Variants in RERE observed in about 807,000 individuals in gnomAD.
RERE encodes the protein arginine-glutamic acid dipeptide repeats, also known as arginine-glutamic acid dipeptide repeats protein.
RERE carries 40 observed loss-of-function variants against 146.1 expected under a neutral mutation model. The observed-to-expected ratio is 0.27, with a 90% CI of 0.21 to 0.36. The LOEUF (loss-of-function observed/expected upper bound fraction) is 0.36. Ranked by LOEUF, RERE falls within the 10% of genes least tolerant of loss-of-function variation. RERE has a pLI of 1.00. For missense variants in RERE, 1,933 were observed against 2,138.7 expected, an observed-to-expected ratio of 0.90 and a Z score of 1.90; for synonymous variants, 1,003 against 866.0, an observed-to-expected ratio of 1.16 and a Z score of -2.78.
At chr1:8,700,051 A>G (rs1381890474) in intron 1 of RERE, among the ~76,000 whole-genome samples, 1 of 152,224 alleles carries the variant, frequency 6.6e-6, no homozygotes, top group Non-Finnish European at 1.5e-5. Context: ...TCATGCCTGT[A>G]ATACCAGCAC....
At chr1:8,685,643 C>A (rs1449485752) in intron 1 of RERE, among the ~76,000 whole-genome samples, 1 of 152,106 alleles carries the variant, frequency 6.6e-6, no homozygotes, top group African/African-American at 2.4e-5. Context: ...TGTTTAGAAT[C>A]GTTTTCAATG....
chr1:8,684,631 T>C (rs1443666647), intron 1 of RERE, among the ~76,000 whole-genome samples: 1 of 152,230 alleles, frequency 6.6e-6, no homozygotes, highest in Non-Finnish European at 1.5e-5. Context: ...ATAGTAAGTA[T>C]AGCTCCTACA....
chr1:8,637,201 G>C (rs1045777908), intron 2 of RERE, among the ~76,000 whole-genome samples: 1 of 152,096 alleles, frequency 6.6e-6, no homozygotes, highest in African/African-American at 2.4e-5. Flanking sequence ...ACCCCTAGCA[G>C]CAGACAAAGT....
chr1:8,578,438 T>C lies in RERE; in HGVS notation c.523-20915A>G, dbSNP rs566364228. On this transcript the variant is annotated intron_variant, in intron 4 of 22. Coordinates refer to ENST00000400908, the MANE Select transcript of RERE (RefSeq NM_001042681.2). ...GGGTATTACAAACGCATTGAACTAA[T>C]CTTTGAATATATGCTGATAATTAAA... Among the ~76,000 whole-genome samples the C allele has an allele frequency of 1.6e-4, 24 of 152,310 alleles. No homozygotes were observed. The South Asian group carries it at 5.0e-3, about 32-fold the overall frequency.
chr1:8,578,874 T>C (rs914128017), intron 4 of RERE, among the ~76,000 whole-genome samples: 13 of 152,106 alleles, frequency 8.5e-5, no homozygotes, highest in African/African-American at 2.9e-4. Flanking sequence ...ATATGAAAAA[T>C]AAATACATGT....
intron 4 of RERE, among the ~76,000 whole-genome samples, chr1:8,604,523 G>C (rs1646673696): frequency 6.8e-6 from 1 of 147,594 alleles, no homozygotes; most frequent in South Asian, 2.2e-4. Flanking sequence ...GTTTTGTTTT[G>C]TTGTGGGGGA....
intron 1 of RERE, among the ~76,000 whole-genome samples, chr1:8,694,800 T>C (rs934780028): frequency 2.0e-5 from 3 of 152,072 alleles, no homozygotes; most frequent in South Asian, 4.2e-4. Context: ...GGAAAAACAT[T>C]TGATGCTCAT....
chr1:8,374,306 C>A (rs890515973), intron 12 of RERE, among the ~76,000 whole-genome samples: 11 of 152,286 alleles, frequency 7.2e-5, no homozygotes, highest in African/African-American at 2.6e-4. Context: ...GTCTAAGACA[C>A]TCATGAAGAT....
At chr1:8,624,884 A>C (rs189998420) in intron 2 of RERE, among the ~76,000 whole-genome samples, 40 of 152,376 alleles carry the variant, frequency 2.6e-4, no homozygotes, top group African/African-American at 8.7e-4. Context: ...GACCTTTTCA[A>C]CTAATCAAAA....
intron 1 of RERE, among the ~76,000 whole-genome samples, chr1:8,719,879 T>C (rs1388872379): frequency 6.6e-6 from 1 of 152,198 alleles, no homozygotes; most frequent in African/African-American, 2.4e-5. Context: ...TAAAATTATT[T>C]TCATATAAAT....
intron 8 of RERE, among the ~76,000 whole-genome samples, chr1:8,498,769 A>ACACACACG (rs59487577): frequency 1.4e-5 from 2 of 139,038 alleles, no homozygotes; most frequent in African/African-American, 6.7e-5. Context: ...ACACACACAC[A>ACACACACG]TATGTAGTTG....
chr1:8,391,910 C>G (rs2124426740), intron 12 of RERE, among the ~76,000 whole-genome samples: 1 of 152,154 alleles, frequency 6.6e-6, no homozygotes, highest in East Asian at 1.9e-4. Flanking sequence ...GCCTGTGATA[C>G]CAGCTACTCG....
chr1:8,452,531 T>G (rs960691922), intron 11 of RERE, among the ~76,000 whole-genome samples: 1 of 152,154 alleles, frequency 6.6e-6, no homozygotes, highest in Non-Finnish European at 1.5e-5. Context: ...ATCAATAATG[T>G]TTTTTCTAAG....
intron 4 of RERE, among the ~76,000 whole-genome samples, chr1:8,592,531 C>T (rs1646508207): frequency 6.6e-6 from 1 of 151,966 alleles, no homozygotes; most frequent in African/African-American, 2.4e-5. Context: ...TTCGGCCTCC[C>T]AAAGTGCTGG....
At chr1:8,570,260 C>T (rs981354170) in intron 4 of RERE, among the ~76,000 whole-genome samples, 3 of 151,800 alleles carry the variant, frequency 2.0e-5, no homozygotes, top group East Asian at 1.9e-4. Flanking sequence ...TTGCTTGAAC[C>T]GGGGAAGTGG....
intron 4 of RERE, among the ~76,000 whole-genome samples, chr1:8,598,749 C>T (rs1430738526): frequency 6.6e-6 from 1 of 152,218 alleles, no homozygotes; most frequent in Admixed American, 6.5e-5. Flanking sequence ...TTCAGGGAAG[C>T]AGAAATGTGA....
chr1:8,562,389 G>A (rs1646088983), intron 4 of RERE, among the ~76,000 whole-genome samples: 1 of 152,132 alleles, frequency 6.6e-6, no homozygotes, highest in African/African-American at 2.4e-5. Context: ...AGAATAAAGA[G>A]GGAAGTGAAG....
intron 8 of RERE, among the ~76,000 whole-genome samples, chr1:8,502,622 A>G (rs912143996): frequency 2.6e-4 from 39 of 148,906 alleles, no homozygotes; most frequent in African/African-American, 9.0e-4. Context: ...CCATGATGAC[A>G]ATGGCGGTTT....
chr1:8,488,943 G>A (rs547581746), intron 10 of RERE, among the ~76,000 whole-genome samples: 1 of 152,236 alleles, frequency 6.6e-6, no homozygotes, highest in Admixed American at 6.5e-5. Context: ...CTAGAATAAA[G>A]CACAGAAACA....
Sources: allele counts gnomAD v4.1 joint callset (sites outside exome capture counted in the v4.1 genomes callset), GRCh38; gene constraint gnomAD v4.1.1; transcripts MANE v1.5; gene names NCBI Gene and HGNC (gene_info 2026-07-23, HGNC 2026-07-21).